Variants in ADAMTS2 observed in about 807,000 individuals in gnomAD.
The protein encoded by ADAMTS2 is ADAM metallopeptidase with thrombospondin type 1 motif 2, also known as A disintegrin and metalloproteinase with thrombospondin motifs 2.
Under a neutral mutation model 123.0 loss-of-function variants are expected in ADAMTS2, and 50 were observed. The ratio of observed to expected loss-of-function variants is 0.41; its 90% CI spans 0.32 to 0.51. ADAMTS2 has a LOEUF of 0.51. Among genes scored for constraint, ADAMTS2 ranks in the 20% least tolerant of loss-of-function variants. The pLI, the probability that ADAMTS2 is intolerant of heterozygous loss-of-function variation, is 0.35. For synonymous variants in ADAMTS2, 678 were observed against 695.4 expected (o/e 0.98, Z 0.39); for missense variants, 1,494 against 1,705.2 (o/e 0.88, Z 2.18).
rs866039584 is a variant in ADAMTS2, at chr5:179,140,777, C to T, written c.1630-742G>A. The stretch of plus-strand genomic sequence containing the variant: ...TAATACATTGACTGACAGAACTTTT[C>T]CTTCAGTTCCGACTGCATGCTCTTT... On this transcript the variant is annotated intron_variant, in intron 10 of 21. Coordinates refer to ENST00000251582, the MANE Select transcript of ADAMTS2 (RefSeq NM_014244.5). Among the ~76,000 whole-genome samples the T allele has an allele frequency of 2.7e-5, 4 of 147,564 alleles. No homozygotes were observed. The South Asian group carries it at 8.7e-4, about 32-fold the overall frequency.
chr5:179,153,353 G>T lies in ADAMTS2; in HGVS notation c.1515+138C>A, dbSNP rs536434266. On this transcript the variant is annotated intron_variant, in intron 9 of 21. Coordinates refer to ENST00000251582, the MANE Select transcript of ADAMTS2 (RefSeq NM_014244.5). ...GGGGTGGGGAGTGGTGGGTGCAGAG[G>T]GACAGGCTGCCACTCTGGAGGGCCG... 3.0e-6 allele frequency: 4 copies of T among 1,342,286 alleles called. No homozygotes were observed. The Admixed American group carries it at 7.9e-5, about 26-fold the overall frequency. 83.1% of individuals were successfully genotyped at this position (1,342,286 alleles called of 1,614,324 possible). A position where few individuals can be genotyped will look rare whatever the true frequency, so the allele number is the denominator to read the frequency against.
chr5:179,164,823 G>A (rs1375787706), intron 5 of ADAMTS2, among the ~76,000 whole-genome samples: 2 of 152,172 alleles, frequency 1.3e-5, no homozygotes. Flanking sequence ...ACAACCATCC[G>A]CAAACTCAGG....
At position 179,130,960 on chromosome 5, in the gene ADAMTS2, T is replaced by A. The variant is rs1423194770; in HGVS notation, c.2291-862A>T. Among the ~76,000 whole-genome samples, 1 of 152,176 alleles carries A rather than the reference T, an allele frequency of 6.6e-6. No homozygotes were observed. Among genetic ancestry groups the A allele is most frequent in the East Asian group, 1.9e-4 (1 of 5,184 alleles). ...CTTTTTGTTCAGAAACTGACTTTTC[T>A]GTTCACCTGCTTCAGGCAAGTGGTA... On this transcript the variant is annotated intron_variant, in intron 15 of 21. Coordinates refer to ENST00000251582, the MANE Select transcript of ADAMTS2 (RefSeq NM_014244.5). This position sits in a 1 kb window ranked among gnomAD's most constrained non-coding sequence, Gnocchi z 4.3.
intron 2 of ADAMTS2, among the ~76,000 whole-genome samples, chr5:179,299,392 G>T (rs550439204): frequency 8.2e-5 from 5 of 60,838 alleles, no homozygotes; most frequent in Non-Finnish European, 1.6e-4. Context: ...AGCCGGCCGT[G>T]GTGGCGGGCG....
At chr5:179,238,302 A>G (rs1765578435) in intron 3 of ADAMTS2, among the ~76,000 whole-genome samples, 1 of 152,130 alleles carries the variant, frequency 6.6e-6, no homozygotes, top group African/African-American at 2.4e-5. Flanking sequence ...ACCCCCAGCT[A>G]CTGTGTAGGG....
chr5:179,207,372 C>A, intron 4 of ADAMTS2, 141 bp downstream of exon 4: 1 of 894,792 alleles, frequency 1.1e-6, no homozygotes, highest in Non-Finnish European at 1.7e-6. Flanking sequence ...GCAAGCCTCC[C>A]TGAGACTGTG....
intron 2 of ADAMTS2, among the ~76,000 whole-genome samples, chr5:179,293,648 C>G (rs1301354415): frequency 2.0e-5 from 3 of 152,142 alleles, no homozygotes; most frequent in Non-Finnish European, 4.4e-5. Flanking sequence ...GAGTCTTGCT[C>G]TGTCGCCTAG....
chr5:179,257,416 G>A (rs958257826), intron 3 of ADAMTS2, among the ~76,000 whole-genome samples: 9 of 152,330 alleles, frequency 5.9e-5, no homozygotes, highest in East Asian at 1.9e-4. Flanking sequence ...CCTCAGACCC[G>A]GAACTGGGCA....
intron 3 of ADAMTS2, among the ~76,000 whole-genome samples, chr5:179,217,128 G>A (rs777485484): frequency 9.2e-5 from 14 of 152,188 alleles, no homozygotes; most frequent in Non-Finnish European, 1.3e-4. Flanking sequence ...GAAACAACAC[G>A]GGGGTCATCA....
intron 3 of ADAMTS2, among the ~76,000 whole-genome samples, chr5:179,268,297 C>T (rs1434306188): frequency 6.6e-6 from 1 of 152,228 alleles, no homozygotes; most frequent in Non-Finnish European, 1.5e-5. Flanking sequence ...GAGATGTATT[C>T]TTGGTCTCCA....
chr5:179,271,537 C>A (rs1040123916), intron 3 of ADAMTS2, among the ~76,000 whole-genome samples: 4 of 152,214 alleles, frequency 2.6e-5, no homozygotes, highest in Non-Finnish European at 5.9e-5. Flanking sequence ...TCCACGCTGG[C>A]CCTCCTAGAT....
chr5:179,217,381 T>C (rs1765007275), intron 3 of ADAMTS2, among the ~76,000 whole-genome samples: 2 of 152,176 alleles, frequency 1.3e-5, no homozygotes. Flanking sequence ...TCACCTGAAA[T>C]GGTTGCTCAC....
chr5:179,225,323 T>C lies in ADAMTS2; in HGVS notation c.689-17608A>G, dbSNP rs1765255554. ...CCAAAAGGGAAATGGACAAACGGTA[T>C]TGATACAAAAGTGCTGGGTAGAGAA... On this transcript the variant is annotated intron_variant, in intron 3 of 21. Transcript: ENST00000251582. This position sits in a 1 kb window ranked among gnomAD's most constrained non-coding sequence, Gnocchi z 4.5. Among the ~76,000 whole-genome samples the C allele has an allele frequency of 6.6e-6, 1 of 152,206 alleles. No homozygotes were observed. Among genetic ancestry groups the C allele is most frequent in the African/African-American group, 2.4e-5 (1 of 41,456 alleles).
At chr5:179,164,640 C>T (rs147355670) in intron 5 of ADAMTS2, among the ~76,000 whole-genome samples, 5 of 152,112 alleles carry the variant, frequency 3.3e-5, no homozygotes, top group Admixed American at 6.5e-5. Context: ...CCAGCTTGCT[C>T]GTTGGGAAGA....
At chr5:179,238,976 G>C (rs1478759837) in intron 3 of ADAMTS2, among the ~76,000 whole-genome samples, 1 of 152,196 alleles carries the variant, frequency 6.6e-6, no homozygotes, top group Non-Finnish European at 1.5e-5. Flanking sequence ...CCTGGAAGGT[G>C]GTGGGGGAGG....
intron 21 of ADAMTS2, among the ~76,000 whole-genome samples, chr5:179,114,827 C>A (rs1762630466): frequency 6.6e-6 from 1 of 152,208 alleles, no homozygotes; most frequent in Non-Finnish European, 1.5e-5. Flanking sequence ...AATCCCAGGG[C>A]CGCTGTGGCC....
At chr5:179,143,279 C>G (rs1273792553) in intron 10 of ADAMTS2, among the ~76,000 whole-genome samples, 1 of 151,952 alleles carries the variant, frequency 6.6e-6, no homozygotes, top group African/African-American at 2.4e-5. Flanking sequence ...ATTAAAAATA[C>G]AAAAATTAGC....
intron 9 of ADAMTS2, among the ~76,000 whole-genome samples, chr5:179,153,279 C>T (rs1763398970): frequency 6.6e-6 from 1 of 152,068 alleles, no homozygotes; most frequent in Non-Finnish European, 1.5e-5. Flanking sequence ...CCGTGTGCTT[C>T]CTGCCTAGGA....
chr5:179,334,889 T>C (rs561928681), intron 2 of ADAMTS2, among the ~76,000 whole-genome samples: 1 of 152,348 alleles, frequency 6.6e-6, no homozygotes, highest in East Asian at 1.9e-4. Context: ...TATAAAAATA[T>C]GTATATATAA....
Sources: gnomAD v4.1 joint callset for allele counts (sites outside exome capture counted in the v4.1 genomes callset) on GRCh38, gnomAD v4.1.1 for gene constraint, Gnocchi (gnomAD v3.1) non-coding constraint, MANE v1.5 for transcripts, NCBI Gene and HGNC (gene_info 2026-07-23, HGNC 2026-07-21) for gene names.